EBF1: variants seen among roughly 807,000 people sequenced by gnomAD.
The protein encoded by EBF1 is transcription factor COE1.
EBF1 carries 10 observed loss-of-function variants against 68.4 expected under a neutral mutation model. The observed-to-expected ratio is 0.15, with a 90% CI of 0.09 to 0.25. EBF1 has a LOEUF of 0.25. EBF1 is among the 10% of genes least tolerant of loss of function. The pLI is 1.00. For synonymous variants in EBF1, 298 were observed against 299.8 expected (o/e 0.99, Z 0.06); for missense variants, 509 against 794.4 (o/e 0.64, Z 4.32).
intron 6 of EBF1, among the ~76,000 whole-genome samples, chr5:158,954,558 T>G (rs1367554275): frequency 6.6e-6 from 1 of 152,230 alleles, no homozygotes; most frequent in Non-Finnish European, 1.5e-5. Context: ...TATTGGTTAC[T>G]TGTATTGGCA....
intron 6 of EBF1, among the ~76,000 whole-genome samples, chr5:158,951,889 A>C (rs1225128230): frequency 6.6e-6 from 1 of 152,222 alleles, no homozygotes; most frequent in Non-Finnish European, 1.5e-5. Flanking sequence ...AATTAGTGAA[A>C]CACAGCTAAG....
Position 158,912,529 on chromosome 5 carries a change from C to T in EBF1, c.555-72419G>A, listed in dbSNP as rs1319452767. ...TATTTAAGAATACAGATTCTCAAGC[C>T]TCACCCCAGGCCTACTGAACTAGAA... is the stretch of plus-strand genomic sequence containing the variant. On this transcript the variant is annotated intron_variant, in intron 6 of 15. Coordinates refer to ENST00000313708, the MANE Select transcript of EBF1 (RefSeq NM_024007.5). Among the ~76,000 whole-genome samples the T allele has an allele frequency of 3.3e-5, 5 of 152,234 alleles. No homozygotes were observed. The East Asian group carries it at 9.7e-4, about 29-fold the overall frequency.
At chr5:158,954,069 C>T (rs530900773) in intron 6 of EBF1, among the ~76,000 whole-genome samples, 1 of 152,320 alleles carries the variant, frequency 6.6e-6, no homozygotes, top group South Asian at 2.1e-4. Flanking sequence ...GTCGTATGTG[C>T]CTGTGTAATA....
intron 6 of EBF1, among the ~76,000 whole-genome samples, chr5:159,021,824 A>G (rs1766744597): frequency 6.6e-6 from 1 of 152,208 alleles, no homozygotes; most frequent in Non-Finnish European, 1.5e-5. Context: ...ATGCCCTTTT[A>G]GCAATAGCCG....
At chr5:158,825,821 C>T (rs1785980232) in intron 7 of EBF1, among the ~76,000 whole-genome samples, 1 of 151,982 alleles carries the variant, frequency 6.6e-6, no homozygotes, top group South Asian at 2.1e-4. Context: ...CACAGCACAA[C>T]TTCCCTACCA....
At chr5:159,030,094 AG>A (rs1292333006) in intron 6 of EBF1, among the ~76,000 whole-genome samples, 1 of 35,032 alleles carries the variant, frequency 2.9e-5, no homozygotes, top group African/African-American at 4.2e-4. Context: ...GTAGAGACAC[AG>A]AAAAAATATA....
chr5:159,009,518 A>G (rs997911310), intron 6 of EBF1, among the ~76,000 whole-genome samples: 1 of 152,210 alleles, frequency 6.6e-6, no homozygotes, highest in Admixed American at 6.5e-5. Context: ...TAAACTTTAG[A>G]GTGAGAATTC....
At chr5:158,839,199 T>C (rs1195832868) in intron 7 of EBF1, among the ~76,000 whole-genome samples, 1 of 152,230 alleles carries the variant, frequency 6.6e-6, no homozygotes, top group Non-Finnish European at 1.5e-5. Flanking sequence ...AACAGAATTG[T>C]TATCCATATC....
At chr5:158,908,245 T>G (rs1468075273) in intron 6 of EBF1, among the ~76,000 whole-genome samples, 2 of 152,226 alleles carry the variant, frequency 1.3e-5, no homozygotes, top group African/African-American at 4.8e-5. Flanking sequence ...CATACATGCA[T>G]TTTTTATCTT....
chr5:158,790,508 A>G (rs1189176616), intron 9 of EBF1, among the ~76,000 whole-genome samples: 1 of 152,104 alleles, frequency 6.6e-6, no homozygotes, highest in Admixed American at 6.6e-5. Context: ...GGGGAAAAAA[A>G]AAAGAGTTCT....
chr5:158,735,948 C>G (rs180702395), intron 10 of EBF1, among the ~76,000 whole-genome samples: 1 of 152,284 alleles, frequency 6.6e-6, no homozygotes. Context: ...GCATGAAATG[C>G]TATATGCAAA....
At chr5:158,771,982 G>A (rs774524950) in intron 10 of EBF1, among the ~76,000 whole-genome samples, 1 of 152,110 alleles carries the variant, frequency 6.6e-6, no homozygotes, top group South Asian at 2.1e-4. Flanking sequence ...GAATCACCAT[G>A]CCCAAAGTAG....
intron 6 of EBF1, among the ~76,000 whole-genome samples, chr5:158,882,923 G>A (rs1799167487): frequency 6.6e-6 from 1 of 152,166 alleles, no homozygotes; most frequent in Non-Finnish European, 1.5e-5. Flanking sequence ...TAAAGACACA[G>A]GCCTTGAAAG....
At chr5:159,098,831 A>G (rs945320861) in intron 1 of EBF1, among the ~76,000 whole-genome samples, 1 of 151,718 alleles carries the variant, frequency 6.6e-6, no homozygotes, top group African/African-American at 2.4e-5. Flanking sequence ...AAGAAAAAAG[A>G]AAGGCAGGAA....
intron 6 of EBF1, among the ~76,000 whole-genome samples, chr5:158,919,864 T>G (rs951406459): frequency 6.6e-6 from 1 of 152,180 alleles, no homozygotes; most frequent in Non-Finnish European, 1.5e-5. Context: ...TAAGCAACTT[T>G]CCAACTGAAC....
At chr5:159,075,387 C>T (rs1778580049) in intron 5 of EBF1, among the ~76,000 whole-genome samples, 1 of 152,194 alleles carries the variant, frequency 6.6e-6, no homozygotes, top group South Asian at 2.1e-4. Context: ...GCCCACGTCT[C>T]CTTTACCCAT....
chr5:159,037,685 T>C (rs1453322188), intron 6 of EBF1, among the ~76,000 whole-genome samples: 8 of 134,898 alleles, frequency 5.9e-5, no homozygotes, highest in East Asian at 2.2e-4. Flanking sequence ...AGGGATAGCA[T>C]TGGGAGATAT....
intron 4 of EBF1, among the ~76,000 whole-genome samples, chr5:159,087,510 CA>C (rs1185657915): frequency 2.0e-5 from 3 of 151,056 alleles, no homozygotes; most frequent in East Asian, 1.9e-4. Context: ...TTTTTGGAGG[CA>C]GGGGGAATTA....
intron 8 of EBF1, among the ~76,000 whole-genome samples, chr5:158,816,293 C>T (rs963019967): frequency 2.6e-5 from 4 of 152,224 alleles, no homozygotes; most frequent in African/African-American, 9.6e-5. Context: ...CAAGGCTAGG[C>T]CAATATGAAA....
Sources: gnomAD v4.1 joint callset for allele counts (sites outside exome capture counted in the v4.1 genomes callset) on GRCh38, gnomAD v4.1.1 for gene constraint, MANE v1.5 for transcripts, NCBI Gene and HGNC (gene_info 2026-07-23, HGNC 2026-07-21) for gene names.